The following DMD variants were observed in gnomAD, a reference collection of about 807,000 sequenced individuals.
DMD encodes the protein dystrophin.
A neutral mutation model predicts 330.1 loss-of-function variants in DMD; 63 were observed. The observed-to-expected ratio is 0.19, with a 90% confidence interval of 0.16 to 0.24. DMD has a LOEUF of 0.24. Among genes scored for constraint, DMD ranks in the 10% least tolerant of loss-of-function variants. The pLI, the probability that DMD is intolerant of heterozygous loss-of-function variation, is 1.00. For missense variants in DMD, 3,344 were observed against 2,684.1 expected (o/e 1.25, Z -5.43); for synonymous variants, 1,223 against 959.8 (o/e 1.27, Z -5.07).
intron 55 of DMD, among the ~76,000 whole-genome samples, chrX:31,608,889 G>C (rs1480005854): frequency 8.9e-6 from 1 of 111,733 alleles, no homozygotes; most frequent in Non-Finnish European, 1.9e-5. Context: ...TGTTAAGGTT[G>C]TGATTGCAGA....
At chrX:32,196,046 T>C (rs768134647) in intron 44 of DMD, among the ~76,000 whole-genome samples, 1 of 112,439 alleles carries the variant, frequency 8.9e-6, no homozygotes, top group Non-Finnish European at 1.9e-5. Context: ...CCTGTGTCTT[T>C]AAAACTTCAC....
Position 32,390,124 on chromosome X carries a change from T to C in DMD, c.4291A>G (p.Asn1431Asp). The C allele has an allele frequency of 4.1e-6, 5 of 1,210,786 alleles. No homozygotes were observed. Among genetic ancestry groups the C allele is most frequent in the South Asian group, 1.8e-5 (1 of 56,992 alleles). ...CTTTGGGCAGCCTCCTTCCCCTGAT[T>C]ATGTTTCTTCATTTCTTCTAAACTG... ...EISLEEMKKHNQGKEAAQRVL... is the reference protein window; with the variant it reads ...EISLEEMKKHDQGKEAAQRVL... Residue 1431 changes from asparagine (N) to aspartate (D), a missense_variant, in exon 31 of 79, where the codon AAT (asparagine) becomes GAT (aspartate). Physicochemically the swap from Asn to Asp is conservative, Grantham distance 23. Coordinates refer to ENST00000357033, the MANE Select transcript of DMD (RefSeq NM_004006.3).
At chrX:31,863,275 GGAGCTTGCAGT>G (rs1255387110) in intron 48 of DMD, among the ~76,000 whole-genome samples, 3 of 112,262 alleles carry the variant, frequency 2.7e-5, no homozygotes, top group Admixed American at 9.4e-5. Context: ...CCCAGGAGGC[GGAGCTTGCAGT>G]GAGCTGAGAT....
chrX:32,565,064 T>C (rs2051528866), intron 16 of DMD, among the ~76,000 whole-genome samples: 1 of 111,617 alleles, frequency 9.0e-6, no homozygotes, highest in East Asian at 2.8e-4. Flanking sequence ...CGATACCCCA[T>C]TTTAGTGACT....
At chrX:32,275,904 A>T (rs2097384677) in intron 43 of DMD, among the ~76,000 whole-genome samples, 1 of 111,444 alleles carries the variant, frequency 9.0e-6, no homozygotes, top group Admixed American at 9.5e-5. Flanking sequence ...ACCAGAACCA[A>T]AAACCAGGTA....
At chrX:32,465,582 G>GTTTTTTTTTTTT (rs1191063866) in intron 23 of DMD, among the ~76,000 whole-genome samples, 40 of 76,642 alleles carry the variant, frequency 5.2e-4, no homozygotes, top group Non-Finnish European at 6.5e-4. Context: ...TTTGTTTTTT[G>GTTTTTTTTTTTT]TTTTTTTTTT....
chrX:31,989,880 G>A (rs888637821), intron 44 of DMD, among the ~76,000 whole-genome samples: 1 of 111,041 alleles, frequency 9.0e-6, no homozygotes, highest in Non-Finnish European at 1.9e-5. Context: ...GTGATGCTGA[G>A]GTTTGGGCTT....
At chrX:32,692,790 T>G (rs2063373875) in intron 9 of DMD, among the ~76,000 whole-genome samples, 1 of 111,888 alleles carries the variant, frequency 8.9e-6, no homozygotes, top group African/African-American at 3.2e-5. Flanking sequence ...AATAAAAACA[T>G]AAAAATTTTC....
intron 44 of DMD, among the ~76,000 whole-genome samples, chrX:32,187,477 ACTTT>A (rs1347600612): frequency 9.0e-6 from 1 of 111,600 alleles, no homozygotes; most frequent in African/African-American, 3.2e-5. Context: ...AGCTGGGAAA[ACTTT>A]CTTTATGAAA....
At chrX:32,493,875 C>T (rs228314) in intron 19 of DMD, among the ~76,000 whole-genome samples, 1 of 109,183 alleles carries the variant, frequency 9.2e-6, no homozygotes, top group African/African-American at 3.3e-5. Context: ...AAGGGTGAAA[C>T]GTCAACATGA....
At chrX:32,478,065 T>C (rs1187322680) in intron 21 of DMD, among the ~76,000 whole-genome samples, 1 of 112,067 alleles carries the variant, frequency 8.9e-6, no homozygotes, top group Non-Finnish European at 1.9e-5. Context: ...ATTAAATATA[T>C]GGCTCACATT....
chrX:32,740,103 A>G (rs193095688), intron 7 of DMD, among the ~76,000 whole-genome samples: 2 of 108,437 alleles, frequency 1.8e-5, no homozygotes, highest in Admixed American at 2.0e-4. Flanking sequence ...GCCATTTCCA[A>G]GCAGAAGCTT....
intron 23 of DMD, among the ~76,000 whole-genome samples, chrX:32,465,992 T>C (rs1043980584): frequency 9.0e-6 from 1 of 111,351 alleles, no homozygotes; most frequent in African/African-American, 3.3e-5. Context: ...TAATCTCCTC[T>C]CCTCCTTCCT....
chrX:33,002,239 G>A (rs779370831), intron 2 of DMD, among the ~76,000 whole-genome samples: 1 of 111,036 alleles, frequency 9.0e-6, no homozygotes, highest in East Asian at 2.8e-4. Context: ...CACTAGTGGA[G>A]GGTGCCCAGG....
At chrX:32,478,699 A>G (rs2041500553) in intron 21 of DMD, among the ~76,000 whole-genome samples, 1 of 111,745 alleles carries the variant, frequency 8.9e-6, no homozygotes, top group Admixed American at 9.6e-5. Context: ...ATCAAAATCA[A>G]TATTCTATCC....
At chrX:31,379,281 T>A (rs2060038821) in intron 60 of DMD, among the ~76,000 whole-genome samples, 1 of 111,378 alleles carries the variant, frequency 9.0e-6, no homozygotes, top group African/African-American at 3.3e-5. Flanking sequence ...TTTCCTTCCA[T>A]GACTAGCCCT....
intron 30 of DMD, among the ~76,000 whole-genome samples, chrX:32,391,788 G>A (rs765970694): frequency 3.6e-5 from 4 of 111,616 alleles, no homozygotes; most frequent in South Asian, 7.6e-4. Context: ...ATGCTTGTAC[G>A]GAGGATGTCA....
chrX:31,499,584 C>T (rs993944408), intron 56 of DMD, among the ~76,000 whole-genome samples: 31 of 108,011 alleles, frequency 2.9e-4, no homozygotes, highest in African/African-American at 8.5e-4. Flanking sequence ...CTCCACCTCC[C>T]GGGTTCAAGC....
intron 12 of DMD, among the ~76,000 whole-genome samples, chrX:32,597,692 G>A (rs1204666321): frequency 9.0e-6 from 1 of 111,656 alleles, no homozygotes; most frequent in East Asian, 2.8e-4. Flanking sequence ...AAAACATGAT[G>A]TACAATTATT....
Sources: allele counts gnomAD v4.1 joint callset (sites outside exome capture counted in the v4.1 genomes callset), GRCh38; gene constraint gnomAD v4.1.1; transcripts MANE v1.5; gene names NCBI Gene and HGNC (gene_info 2026-07-23, HGNC 2026-07-21).